Variants in BCAS3 observed in about 807,000 individuals in gnomAD.
BCAS3 encodes the protein BCAS3 microtubule associated cell migration factor.
In BCAS3, 53 loss-of-function variants were observed where a neutral mutation model predicts 116.1. The ratio of observed to expected loss-of-function variants is 0.46; its 90% CI spans 0.37 to 0.57. The LOEUF (loss-of-function observed/expected upper bound fraction) is 0.57. Among genes scored for constraint, BCAS3 ranks in the 20% least tolerant of loss-of-function variants. The pLI, the probability that BCAS3 is intolerant of heterozygous loss-of-function variation, is 0.00. For synonymous variants in BCAS3, 391 were observed against 408.2 expected (o/e 0.96, Z 0.51); for missense variants, 917 against 1,165.4 (o/e 0.79, Z 3.10).
chr17:61,315,583 C>A lies in BCAS3; in HGVS notation c.2426-52744C>A, dbSNP rs1269317599. 6.6e-6 allele frequency among the ~76,000 whole-genome samples: 1 copy of A among 152,190 alleles called. No individual in the cohort carries two copies. The highest frequency in any genetic ancestry group is 2.4e-5 in the African/African-American group (1 of 41,454). The stretch of plus-strand genomic sequence containing the variant: ...TTAATGGCAAAGCCCAGGTATGGGC[C>A]AGTGAACCCCAATGATGCTGGGGTG... On this transcript the variant is annotated intron_variant, in intron 22 of 23. Transcript: ENST00000407086. The surrounding 1 kb of genome is among the most constrained non-coding windows in gnomAD (Gnocchi z 5.3).
In BCAS3 at chr17:61,332,026, T is replaced by C. The variant is rs1168174109; in HGVS notation, c.2426-36301T>C. Among the ~76,000 whole-genome samples, 1 of 152,158 alleles carries C rather than the reference T, an allele frequency of 6.6e-6. No individual in the cohort carries two copies. The highest frequency in any genetic ancestry group is 1.5e-5 in the Non-Finnish European group (1 of 68,030). ...TCTCTTTTGCATGTTTGGGCTAATC[T>C]TCTCCATATGCGTGTCTGGTTTGGC... On this transcript the variant is annotated intron_variant, in intron 22 of 23. Coordinates refer to ENST00000407086, the MANE Select transcript of BCAS3 (RefSeq NM_017679.5). This position sits in a 1 kb window ranked among gnomAD's most constrained non-coding sequence, Gnocchi z 5.4.
rs1009588209 is a variant in BCAS3, at chr17:61,124,330, G to A, written c.2425+39766G>A. On this transcript the variant is annotated intron_variant, in intron 22 of 23. Transcript: ENST00000407086. This position sits in a 1 kb window ranked among gnomAD's most constrained non-coding sequence, Gnocchi z 4.6. Reference sequence around the variant, plus strand: ...CCTTGGGTTCTTTTCCTGGTATCTCGAGCCACCAAGATATAGCTTTTACTT... The same window carrying A: ...CCTTGGGTTCTTTTCCTGGTATCTCAAGCCACCAAGATATAGCTTTTACTT... 6.6e-6 allele frequency among the ~76,000 whole-genome samples: 1 copy of A among 151,368 alleles called. No individual in the cohort carries two copies. The highest frequency in any genetic ancestry group is 1.5e-5 in the Non-Finnish European group (1 of 67,876).
chr17:61,059,426 G>A (rs1203688962), intron 19 of BCAS3, among the ~76,000 whole-genome samples: 1 of 151,910 alleles, frequency 6.6e-6, no homozygotes, highest in Non-Finnish European at 1.5e-5. Context: ...TACCTTACAG[G>A]ATCATTGTTA....
chr17:60,944,553 A>G (rs1009598375), intron 13 of BCAS3, among the ~76,000 whole-genome samples: 1 of 152,096 alleles, frequency 6.6e-6, no homozygotes, highest in Non-Finnish European at 1.5e-5. Context: ...AAATATCAAA[A>G]TCATCCAAAC....
At chr17:60,880,333 G>C (rs2056001101) in intron 9 of BCAS3, among the ~76,000 whole-genome samples, 1 of 152,060 alleles carries the variant, frequency 6.6e-6, no homozygotes, top group Non-Finnish European at 1.5e-5. Flanking sequence ...TCTGTCGCCA[G>C]GCTGGAGTGC....
intron 7 of BCAS3, among the ~76,000 whole-genome samples, chr17:60,837,309 C>T (rs1376387805): frequency 1.3e-5 from 2 of 152,138 alleles, no homozygotes; most frequent in African/African-American, 4.8e-5. Flanking sequence ...CCTCCTAATT[C>T]ACTAGAACTT....
chr17:61,370,104 C>T (rs1398255137), intron 23 of BCAS3, among the ~76,000 whole-genome samples: 17 of 152,184 alleles, frequency 1.1e-4, no homozygotes, highest in Non-Finnish European at 1.5e-5. Context: ...GCATAGTAAC[C>T]TGCACAGCCC....
rs2053969587 is a variant in BCAS3, at chr17:61,307,888, A to C, written c.2426-60439A>C. 6.6e-6 allele frequency among the ~76,000 whole-genome samples: 1 copy of C among 152,168 alleles called. No homozygotes were observed. The highest frequency in any genetic ancestry group is 1.5e-5 in the Non-Finnish European group (1 of 68,038). On this transcript the variant is annotated intron_variant, in intron 22 of 23. Coordinates refer to ENST00000407086, the MANE Select transcript of BCAS3 (RefSeq NM_017679.5). The surrounding 1 kb of genome is among the most constrained non-coding windows in gnomAD (Gnocchi z 4.7). ...TGATATATGGTTACAGATCTAACACAAATAATGTTACGTGAGCAACCCCAA... is the reference window on the plus strand; with the variant it reads ...TGATATATGGTTACAGATCTAACACCAATAATGTTACGTGAGCAACCCCAA...
chr17:61,054,585 C>G (rs936007801), intron 19 of BCAS3, among the ~76,000 whole-genome samples: 2 of 152,172 alleles, frequency 1.3e-5, no homozygotes, highest in African/African-American at 4.8e-5. Flanking sequence ...AGACTGGTCT[C>G]AAACTCCTGG....
At chr17:60,974,066 TC>T (rs2062144721) in intron 14 of BCAS3, among the ~76,000 whole-genome samples, 1 of 152,164 alleles carries the variant, frequency 6.6e-6, no homozygotes, top group Admixed American at 6.6e-5. Flanking sequence ...AACTGCTGAA[TC>T]ATAATTCTGA....
chr17:61,090,952 G>A (rs989436348), intron 22 of BCAS3, among the ~76,000 whole-genome samples: 3 of 152,142 alleles, frequency 2.0e-5, no homozygotes, highest in African/African-American at 4.8e-5. Context: ...ACCGTGCCTG[G>A]CCCTTTCTTC....
rs757064609 is a variant in BCAS3 at position 61,307,318 on chromosome 17, C to T, written c.2426-61009C>T. Among the ~76,000 whole-genome samples, 3 of 151,932 alleles carry T rather than the reference C, an allele frequency of 2.0e-5. No individual in the cohort carries two copies. The highest frequency in any genetic ancestry group is 1.9e-4 in the East Asian group (1 of 5,202). On this transcript the variant is annotated intron_variant, in intron 22 of 23. Transcript: ENST00000407086. The surrounding 1 kb of genome is among the most constrained non-coding windows in gnomAD (Gnocchi z 4.7). ...CAGTTTTAATTTACTTTTTGGGGAA[C>T]GAAAAAAACTACCTGTAATTTTTCC...
At chr17:61,160,014 A>G (rs1402361000) in intron 22 of BCAS3, among the ~76,000 whole-genome samples, 5 of 59,922 alleles carry the variant, frequency 8.3e-5, no homozygotes. Flanking sequence ...TTTTGTAGTG[A>G]CAGTCTCGCT....
In BCAS3 at chr17:61,034,478, G is replaced by C. The variant is rs75649535; in HGVS notation, c.1638-188G>C. On this transcript the variant is annotated intron_variant, in intron 16 of 23. Transcript: ENST00000407086. This position sits in a 1 kb window ranked among gnomAD's most constrained non-coding sequence, Gnocchi z 5.0. ...ATGTTGCTCTCTTTACAAAACTCTG[G>C]AACTTTGAAATAATTCTACTTTTAC... Among the ~76,000 whole-genome samples, 6,237 of 152,060 alleles carry C rather than the reference G, an allele frequency of 0.041. 463 individuals carry two copies. Among genetic ancestry groups the C allele is most frequent in the African/African-American group, 0.14 (5,859 of 41,426 alleles).
Position 60,808,508 on chromosome 17 carries a change from T to C in BCAS3, c.476+432T>C, listed in dbSNP as rs371794295. 7.2e-5 allele frequency among the ~76,000 whole-genome samples: 11 copies of C among 152,334 alleles called. No homozygotes were observed. In the East Asian group the frequency reaches 1.9e-3, roughly 27 times the overall value. On this transcript the variant is annotated intron_variant, in intron 7 of 23. Transcript: ENST00000407086. ...AGTGTGCACTTCAGATCATGTGGCA[T>C]TGGAGAAAGGAAGAACATGTTAATA...
chr17:60,860,639 C>G (rs2054074213), intron 7 of BCAS3, among the ~76,000 whole-genome samples: 1 of 152,112 alleles, frequency 6.6e-6, no homozygotes. Flanking sequence ...TTTAATCCAC[C>G]TTGAGTTGAT....
At chr17:60,874,637 GT>G (rs779916875) in intron 8 of BCAS3, 24 bp from the exon 9 acceptor site, 16 of 1,542,286 alleles carry the variant, frequency 1.0e-5, no homozygotes, top group Admixed American at 1.7e-5. Context: ...TTTTCTTTCT[GT>G]TTTTTTTCTC....
At chr17:61,231,045 C>T (rs1366126590) in intron 22 of BCAS3, among the ~76,000 whole-genome samples, 1 of 150,564 alleles carries the variant, frequency 6.6e-6, no homozygotes, top group Non-Finnish European at 1.5e-5. Flanking sequence ...AAGCAATCCT[C>T]CTCCCACCTT....
chr17:61,127,235 C>T lies in BCAS3; in HGVS notation c.2425+42671C>T, dbSNP rs980338741. Among the ~76,000 whole-genome samples the T allele has an allele frequency of 3.3e-5, 5 of 152,056 alleles. No homozygotes were observed. In the South Asian group the frequency reaches 6.2e-4, roughly 19 times the overall value. Reference sequence around the variant, plus strand: ...GGCTAAATTATTGCTGAATATTGTCCGTCGCAGATTGAGGGGTCTCTATTC... The same window carrying T: ...GGCTAAATTATTGCTGAATATTGTCTGTCGCAGATTGAGGGGTCTCTATTC... On this transcript the variant is annotated intron_variant, in intron 22 of 23. Coordinates refer to ENST00000407086, the MANE Select transcript of BCAS3 (RefSeq NM_017679.5).
Sources: gnomAD v4.1 joint callset for allele counts (sites outside exome capture counted in the v4.1 genomes callset) on GRCh38, gnomAD v4.1.1 for gene constraint, Gnocchi (gnomAD v3.1) non-coding constraint, MANE v1.5 for transcripts, NCBI Gene and HGNC (gene_info 2026-07-23, HGNC 2026-07-21) for gene names.